Variants in STYK1 observed in about 807,000 individuals in gnomAD.
The protein encoded by STYK1 is tyrosine-protein kinase STYK1.
A neutral mutation model predicts 48.1 loss-of-function variants in STYK1; 46 were observed. That is an observed-to-expected ratio of 0.96 (90% CI 0.75 to 1.22). STYK1 has a LOEUF of 1.22. STYK1 is among the 50% of genes most tolerant of loss of function. The pLI is 0.00. For synonymous variants in STYK1, 188 were observed against 189.0 expected, an observed-to-expected ratio of 0.99 and a Z score of 0.04; for missense variants, 527 against 521.1, an observed-to-expected ratio of 1.01 and a Z score of -0.11.
chr12:10,666,459 C>G (rs1323847943), intron 1 of STYK1, among the ~76,000 whole-genome samples: 3 of 152,204 alleles, frequency 2.0e-5, no homozygotes, highest in Non-Finnish European at 4.4e-5. Flanking sequence ...CACAGTACAT[C>G]TGGTTAAATC....
chr12:10,623,173 G>T (rs910679058), intron 8 of STYK1, among the ~76,000 whole-genome samples: 2 of 151,736 alleles, frequency 1.3e-5, no homozygotes, highest in Non-Finnish European at 2.9e-5. Flanking sequence ...TTTATATATA[G>T]TTGAAATAGG....
intron 8 of STYK1, 74 bp downstream of exon 8, chr12:10,624,577 C>T: frequency 7.4e-7 from 1 of 1,359,592 alleles, no homozygotes; most frequent in Non-Finnish European, 1.0e-6. Flanking sequence ...GAATTGGCAA[C>T]AGATCAAATC....
chr12:10,673,313 G>A (rs1947908875), intron 1 of STYK1, among the ~76,000 whole-genome samples: 2 of 151,980 alleles, frequency 1.3e-5, no homozygotes, highest in Non-Finnish European at 2.9e-5. Flanking sequence ...GGAGGCGGAG[G>A]TTGCAGTGAA....
chr12:10,666,966 A>C (rs1238759333), intron 1 of STYK1, among the ~76,000 whole-genome samples: 2 of 152,172 alleles, frequency 1.3e-5, no homozygotes, highest in African/African-American at 4.8e-5. Context: ...CTATAACCAC[A>C]ATGCATAGTT....
chr12:10,629,663 G>T lies in STYK1; in HGVS notation c.463C>A (p.Leu155Ile). The change falls in exon 6 of 11, where the codon CTC becomes ATC. Residue 155 changes from leucine (L) to isoleucine (I), a missense_variant. Physicochemically the swap from Leu to Ile is conservative, Grantham distance 5. Transcript: ENST00000075503. ...ILKALKEPAG[L>I]HEVQDFLGRI... ...CCTAAGAAATCTTGTACCTCATGGAGCCCAGCTGGTTCTGTAGAGGACGAA... is the reference window on the plus strand; with the variant it reads ...CCTAAGAAATCTTGTACCTCATGGATCCCAGCTGGTTCTGTAGAGGACGAA... The T allele has an allele frequency of 1.2e-6, 2 of 1,614,144 alleles. No homozygotes were observed. The highest frequency in any genetic ancestry group is 2.2e-5 in the South Asian group (2 of 91,064).
rs1460366860 is a variant in STYK1, at chr12:10,631,297, C to T, written c.199G>A (p.Val67Ile). 4 of 1,614,152 alleles carry T rather than the reference C, an allele frequency of 2.5e-6. No individual in the cohort carries two copies. In the Middle Eastern group the frequency reaches 6.6e-4, roughly 266 times the overall value. The change falls in exon 5 of 11, where the codon GTT becomes ATT. Residue 67 changes from valine (V) to isoleucine (I), a missense_variant. Transcript: ENST00000075503. The part of the protein sequence containing the change: ...QRSGPQGIAP[V>I]PPPRDLSWEA... ...CAGCTTAGGTCCCTAGGTGGAGGAACAGGGGCAATGCCTAGAACAGAGAGA... is the reference window on the plus strand; with the variant it reads ...CAGCTTAGGTCCCTAGGTGGAGGAATAGGGGCAATGCCTAGAACAGAGAGA...
At chr12:10,621,716 A>G (rs114805509) in intron 10 of STYK1, among the ~76,000 whole-genome samples, 160 bp downstream of exon 10, 27 of 152,160 alleles carry the variant, frequency 1.8e-4, no homozygotes, top group African/African-American at 6.5e-4. Flanking sequence ...TATATAATAT[A>G]TGAGATAGGT....
rs746345937 is a variant in STYK1, at chr12:10,631,281, T to C, written c.215A>G (p.Asp72Gly). The C allele has an allele frequency of 6.2e-7, 1 of 1,614,182 alleles. No homozygotes were observed. The highest frequency in any genetic ancestry group is 8.5e-7 in the Non-Finnish European group (1 of 1,180,022). ...TCCATGTCCTGCTTCCCAGCTTAGGTCCCTAGGTGGAGGAACAGGGGCAAT... is the reference window on the plus strand; with the variant it reads ...TCCATGTCCTGCTTCCCAGCTTAGGCCCCTAGGTGGAGGAACAGGGGCAAT... ...QGIAPVPPPRDLSWEAGHGGN... is the reference protein window; with the variant it reads ...QGIAPVPPPRGLSWEAGHGGN... The change falls in exon 5 of 11, where the codon GAC becomes GGC. Residue 72 changes from aspartate to glycine, a missense_variant. By Grantham distance (94) the Asp-to-Gly change is moderately conservative. Transcript: ENST00000075503.
At chr12:10,620,897 G>A (rs1865896718) in intron 10 of STYK1, among the ~76,000 whole-genome samples, 1 of 152,102 alleles carries the variant, frequency 6.6e-6, no homozygotes, top group African/African-American at 2.4e-5. Context: ...TGTCAGTTAG[G>A]TGTCTTTCCC....
At chr12:10,642,609 A>C (rs1375448851) in intron 1 of STYK1, among the ~76,000 whole-genome samples, 2 of 152,254 alleles carry the variant, frequency 1.3e-5, no homozygotes, top group Non-Finnish European at 2.9e-5. Context: ...AAAATCTTTT[A>C]TCTAAATATT....
chr12:10,631,341 C>T lies in STYK1; in HGVS notation c.188-33G>A, dbSNP rs752697226. 1.9e-6 allele frequency: 3 copies of T among 1,601,716 alleles called. No individual in the cohort carries two copies. The East Asian group carries it at 6.7e-5, about 36-fold the overall frequency. On this transcript the variant is annotated intron_variant, in intron 4 of 10. Transcript: ENST00000075503. ...AGAGAGATGATGTCAACCAGTTTTT[C>T]CCCGCCCTGGGGATCCCGGAAAGCA...
At chr12:10,633,519 G>C (rs1947451703) in intron 4 of STYK1, among the ~76,000 whole-genome samples, 1 of 152,068 alleles carries the variant, frequency 6.6e-6, no homozygotes, top group Admixed American at 6.5e-5. Flanking sequence ...TGGAACTCCA[G>C]AACAGACTGT....
intron 1 of STYK1, among the ~76,000 whole-genome samples, chr12:10,647,850 C>T (rs973555286): frequency 1.3e-4 from 20 of 152,172 alleles, no homozygotes; most frequent in Non-Finnish European, 1.5e-5. Context: ...AGACAGTTCT[C>T]TCTCTTTGCC....
At chr12:10,651,919 C>A (rs1005557237) in intron 1 of STYK1, among the ~76,000 whole-genome samples, 1 of 152,064 alleles carries the variant, frequency 6.6e-6, no homozygotes. Flanking sequence ...AGGTCATAGG[C>A]ATATTAAAGT....
intron 6 of STYK1, 99 bp downstream of exon 6, chr12:10,629,394 T>C (rs972582691): frequency 1.6e-6 from 2 of 1,241,586 alleles, no homozygotes; most frequent in African/African-American, 1.5e-5. Context: ...GCTATTATAG[T>C]GTCTCTGCAT....
At position 10,651,551 on chromosome 12, in the gene STYK1, C is replaced by T. The variant is rs1423057576; in HGVS notation, c.-194-14355G>A. 1.3e-5 allele frequency among the ~76,000 whole-genome samples: 2 copies of T among 152,152 alleles called. 1 individual carries two copies. Among genetic ancestry groups the T allele is most frequent in the Non-Finnish European group, 2.9e-5 (2 of 68,014 alleles). On this transcript the variant is annotated intron_variant, in intron 1 of 10. Transcript: ENST00000075503. ...AGAACAACACCTAGTACATAGTAAG[C>T]AGTAGCTGTTACTAATTATTCCTAT... is the stretch of plus-strand genomic sequence containing the variant.
At chr12:10,671,362 AC>A (rs1395149509) in intron 1 of STYK1, among the ~76,000 whole-genome samples, 1 of 152,224 alleles carries the variant, frequency 6.6e-6, no homozygotes, top group African/African-American at 2.4e-5. Context: ...GAATCAACTG[AC>A]CTTAAAATAG....
intron 8 of STYK1, 91 bp downstream of exon 8, chr12:10,624,560 G>A (rs756121846): frequency 3.8e-5 from 42 of 1,108,404 alleles, no homozygotes; most frequent in Non-Finnish European, 5.1e-5. Flanking sequence ...GATTATATTC[G>A]TATACAGAAT....
intron 2 of STYK1, among the ~76,000 whole-genome samples, chr12:10,636,584 T>C (rs888804478): frequency 6.6e-6 from 1 of 151,956 alleles, no homozygotes. Flanking sequence ...CTTAAGAGAG[T>C]GGCACAAAGG....
Sources: gnomAD v4.1 joint callset for allele counts (sites outside exome capture counted in the v4.1 genomes callset) on GRCh38, gnomAD v4.1.1 for gene constraint, MANE v1.5 for transcripts, NCBI Gene and HGNC (gene_info 2026-07-23, HGNC 2026-07-21) for gene names.